Variants in CSMD2 observed in about 807,000 individuals in gnomAD.
CSMD2 encodes CUB and sushi domain-containing protein 2.
CSMD2 carries 130 observed loss-of-function variants against 398.5 expected under a neutral mutation model. That is an observed-to-expected ratio of 0.33 (90% CI 0.28 to 0.38). The LOEUF (loss-of-function observed/expected upper bound fraction) is 0.38. Among genes scored for constraint, CSMD2 ranks in the 10% least tolerant of loss-of-function variants. CSMD2 has a pLI of 1.00. For missense variants in CSMD2, 3,829 were observed against 4,764.9 expected (o/e 0.80, Z 5.78); for synonymous variants, 1,828 against 1,908.5 (o/e 0.96, Z 1.10).
chr1:33,715,882 C>A (rs1432647162), intron 20 of CSMD2, among the ~76,000 whole-genome samples: 6 of 150,078 alleles, frequency 4.0e-5, no homozygotes, highest in Non-Finnish European at 7.4e-5. Context: ...TGAGACTAAA[C>A]CACTCCAATA....
At chr1:33,840,357 A>G (rs1456452306) in intron 6 of CSMD2, among the ~76,000 whole-genome samples, 2 of 152,078 alleles carry the variant, frequency 1.3e-5, no homozygotes, top group Non-Finnish European at 2.9e-5. Context: ...GCTACCTCTT[A>G]TTTGTAGGTA....
intron 1 of CSMD2, among the ~76,000 whole-genome samples, chr1:34,135,262 A>T (rs967780301): frequency 4.8e-5 from 7 of 145,778 alleles, no homozygotes; most frequent in African/African-American, 1.1e-4. Context: ...ACACACACAC[A>T]CACACACACA....
Position 34,114,541 on chromosome 1 carries a change from A to ATT in CSMD2, c.188-25350_188-25349dup, listed in dbSNP as rs201565221. Reference sequence around the variant, plus strand: ...AGCAAGACCCCCATCTCTAAAAACAATTTTTTTTAATTAGCTGGGCATAGT... The same window carrying ATT: ...AGCAAGACCCCCATCTCTAAAAACAATTTTTTTTTTAATTAGCTGGGCATAGT... On this transcript the variant is annotated intron_variant, in intron 1 of 70. Transcript: ENST00000373381. Among the ~76,000 whole-genome samples, 893 of 151,948 alleles carry ATT rather than the reference A, an allele frequency of 5.9e-3. 12 individuals are homozygous for ATT. The highest frequency in any genetic ancestry group is 0.021 in the African/African-American group (851 of 41,426).
At chr1:33,609,148 A>G (rs1640832403) in intron 41 of CSMD2, among the ~76,000 whole-genome samples, 1 of 152,156 alleles carries the variant, frequency 6.6e-6, no homozygotes, top group East Asian at 1.9e-4. Flanking sequence ...GTCTGGGTGC[A>G]AGGCCCAGCT....
In CSMD2 at chr1:33,678,120, TA is replaced by T. The variant is rs950828498; in HGVS notation, c.4052+14809del. ...ACTTAAAGTATAATAATAATAAAAT[TA>T]AAAAAAAAAGAGCGTGGCTCCTCCC... On this transcript the variant is annotated intron_variant, in intron 25 of 70. Transcript: ENST00000373381. Among the ~76,000 whole-genome samples, 34 of 146,290 alleles carry T rather than the reference TA, an allele frequency of 2.3e-4. No homozygotes were observed. In the South Asian group the frequency reaches 2.8e-3, roughly 12 times the overall value.
At chr1:33,793,251 T>C (rs1053304212) in intron 10 of CSMD2, among the ~76,000 whole-genome samples, 1 of 152,004 alleles carries the variant, frequency 6.6e-6, no homozygotes, top group African/African-American at 2.4e-5. Flanking sequence ...GGGCAGGTGC[T>C]ACTGGAGATG....
Position 34,120,614 on chromosome 1 carries a change from G to A in CSMD2, c.188-31421C>T, listed in dbSNP as rs146659972. 7.0e-3 allele frequency among the ~76,000 whole-genome samples: 1,060 copies of A among 152,164 alleles called. 12 individuals carry two copies. The highest frequency in any genetic ancestry group is 0.024 in the African/African-American group (1,014 of 41,508). On this transcript the variant is annotated intron_variant, in intron 1 of 70. Coordinates refer to ENST00000373381, the MANE Select transcript of CSMD2 (RefSeq NM_001281956.2). ...GGCTGGAGTACAATGGCGCAATCTC[G>A]GCTCACTGCACTCTCCGCCTCCCAG...
intron 13 of CSMD2, among the ~76,000 whole-genome samples, chr1:33,754,347 C>T (rs578150274): frequency 6.6e-6 from 1 of 152,264 alleles, no homozygotes; most frequent in South Asian, 2.1e-4. Flanking sequence ...CCTACCCCAC[C>T]CCCATCTTGC....
intron 2 of CSMD2, among the ~76,000 whole-genome samples, chr1:34,052,371 G>A (rs4653383): frequency 0.32 from 48,879 of 151,554 alleles, 8,268 homozygotes; most frequent in African/African-American, 0.41. Context: ...GATGATTTAA[G>A]GGATATGGGA....
chr1:33,648,076 C>T (rs1214755339), intron 28 of CSMD2, among the ~76,000 whole-genome samples: 2 of 152,100 alleles, frequency 1.3e-5, no homozygotes, highest in South Asian at 2.1e-4. Flanking sequence ...AAAAGCAGGG[C>T]TTTTGGCCGG....
At chr1:33,700,157 C>T (rs1056101796) in intron 23 of CSMD2, among the ~76,000 whole-genome samples, 4 of 152,008 alleles carry the variant, frequency 2.6e-5, no homozygotes, top group South Asian at 4.1e-4. Context: ...TACAGGCACC[C>T]GCCACCACGC....
chr1:33,969,940 C>T (rs1020334492), intron 3 of CSMD2, among the ~76,000 whole-genome samples: 3 of 151,878 alleles, frequency 2.0e-5, no homozygotes, highest in African/African-American at 7.3e-5. Context: ...GAAACCCCAC[C>T]TCTACTAAAA....
intron 5 of CSMD2, among the ~76,000 whole-genome samples, chr1:33,907,751 T>C (rs1009440885): frequency 6.6e-6 from 1 of 152,212 alleles, no homozygotes; most frequent in African/African-American, 2.4e-5. Flanking sequence ...CTGTCATTGC[T>C]AGTTTTTTGT....
chr1:33,670,413 G>A (rs1048724808), intron 25 of CSMD2, among the ~76,000 whole-genome samples: 1 of 152,168 alleles, frequency 6.6e-6, no homozygotes, highest in Non-Finnish European at 1.5e-5. Flanking sequence ...CTCACCCACT[G>A]TCCTTGCCAA....
chr1:33,704,993 C>A (rs1645729093), intron 22 of CSMD2, among the ~76,000 whole-genome samples: 1 of 150,812 alleles, frequency 6.6e-6, no homozygotes, highest in Non-Finnish European at 1.5e-5. Flanking sequence ...AGGATGGTCT[C>A]ATCTTTGTTT....
At chr1:33,689,694 C>A (rs181744062) in intron 25 of CSMD2, among the ~76,000 whole-genome samples, 1 of 152,156 alleles carries the variant, frequency 6.6e-6, no homozygotes, top group African/African-American at 2.4e-5. Flanking sequence ...AGGTACATTA[C>A]GGCCGCTATG....
intron 41 of CSMD2, among the ~76,000 whole-genome samples, chr1:33,609,613 T>C (rs765936123): frequency 2.0e-5 from 3 of 152,244 alleles, no homozygotes; most frequent in African/African-American, 2.4e-5. Context: ...AATTTCTTTC[T>C]TGTATTTTTC....
At chr1:33,973,119 C>T (rs1346871936) in intron 3 of CSMD2, among the ~76,000 whole-genome samples, 1 of 152,230 alleles carries the variant, frequency 6.6e-6, no homozygotes, top group Admixed American at 6.5e-5. Context: ...CTCTCCTCAA[C>T]CAGATCCCAG....
intron 33 of CSMD2, 127 bp from the exon 34 acceptor site, chr1:33,625,381 T>C (rs1325766128): frequency 1.1e-6 from 1 of 876,174 alleles, no homozygotes; most frequent in Non-Finnish European, 1.8e-6. Context: ...TGCTCTCCCG[T>C]AGGGAAGGGC....
Sources: gnomAD v4.1 joint callset for allele counts (sites outside exome capture counted in the v4.1 genomes callset) on GRCh38, gnomAD v4.1.1 for gene constraint, MANE v1.5 for transcripts, NCBI Gene and HGNC (gene_info 2026-07-23, HGNC 2026-07-21) for gene names.